The following MDGA2 variants were observed in gnomAD, a reference collection of about 807,000 sequenced individuals.
MDGA2 encodes MAM domain containing glycosylphosphatidylinositol anchor 2.
In MDGA2, 40 loss-of-function variants were observed where a neutral mutation model predicts 117.8. That is an observed-to-expected ratio of 0.34 (90% CI 0.26 to 0.44). The LOEUF (loss-of-function observed/expected upper bound fraction) is 0.44, where lower values mean the gene tolerates loss of function less well. MDGA2 is among the 20% of genes least tolerant of loss of function. The pLI, the probability that MDGA2 is intolerant of heterozygous loss-of-function variation, is 1.00. For missense variants in MDGA2, 1,123 were observed against 1,250.6 expected, an observed-to-expected ratio of 0.90 and a Z score of 1.54; for synonymous variants, 452 against 439.0, an observed-to-expected ratio of 1.03 and a Z score of -0.37.
At position 47,496,997 on chromosome 14, in the gene MDGA2, G is replaced by C. The variant is rs529524945; in HGVS notation, c.280+177520C>G. ...TCTCATGCACGTGCAGTTTAGAATA[G>C]GGTTTGTGCTGATCTGACAGCAGGT... On this transcript the variant is annotated intron_variant, in intron 1 of 16. Coordinates refer to ENST00000399232, the MANE Select transcript of MDGA2 (RefSeq NM_001113498.3). Among the ~76,000 whole-genome samples, 16 of 151,984 alleles carry C rather than the reference G, an allele frequency of 1.1e-4. 1 individual carries two copies. Among genetic ancestry groups the C allele is most frequent in the Middle Eastern group, 3.5e-3 (1 of 286 alleles).
At chr14:47,319,573 A>G (rs559063846) in intron 1 of MDGA2, among the ~76,000 whole-genome samples, 1 of 152,230 alleles carries the variant, frequency 6.6e-6, no homozygotes, top group South Asian at 2.1e-4. Context: ...GCTCATCTCC[A>G]TATTTTCTAT....
chr14:47,117,986 A>T (rs1319829492), intron 5 of MDGA2, among the ~76,000 whole-genome samples: 1 of 152,220 alleles, frequency 6.6e-6, no homozygotes, highest in Non-Finnish European at 1.5e-5. Flanking sequence ...TTTAGTTCCA[A>T]GTTTTGCATG....
chr14:46,971,892 C>A (rs981783865), intron 8 of MDGA2, among the ~76,000 whole-genome samples: 1 of 152,092 alleles, frequency 6.6e-6, no homozygotes, highest in Admixed American at 6.6e-5. Context: ...GTTATCAGTA[C>A]AATTGTTTTA....
rs145107337 is a variant in MDGA2 at position 47,251,762 on chromosome 14, G to A, written c.421-33567C>T. Among the ~76,000 whole-genome samples, 341 of 152,130 alleles carry A rather than the reference G, an allele frequency of 2.2e-3. 2 individuals are homozygous for A. The highest frequency in any genetic ancestry group is 7.7e-3 in the African/African-American group (319 of 41,506). On this transcript the variant is annotated intron_variant, in intron 2 of 16. Transcript: ENST00000399232. ...ACAATCTCACTCAAGACAAAAGAACGTTTCTTTAAAATCTTCAGATTAAAA... is the reference window on the plus strand; with the variant it reads ...ACAATCTCACTCAAGACAAAAGAACATTTCTTTAAAATCTTCAGATTAAAA...
chr14:47,659,112 T>G (rs1486251548), intron 1 of MDGA2, among the ~76,000 whole-genome samples: 3 of 152,206 alleles, frequency 2.0e-5, no homozygotes, highest in Non-Finnish European at 4.4e-5. Context: ...CCTCATGACA[T>G]GAAATCCTAT....
chr14:47,578,159 A>G (rs1438398595), intron 1 of MDGA2, among the ~76,000 whole-genome samples: 1 of 152,190 alleles, frequency 6.6e-6, no homozygotes, highest in Non-Finnish European at 1.5e-5. Context: ...TCCACAAACT[A>G]ACACAGAAAC....
intron 2 of MDGA2, among the ~76,000 whole-genome samples, chr14:47,261,567 T>A (rs975056560): frequency 1.3e-5 from 2 of 152,178 alleles, no homozygotes; most frequent in African/African-American, 4.8e-5. Flanking sequence ...AGACTAGAAC[T>A]GAAATAGCCT....
chr14:47,634,203 G>A (rs1012103813), intron 1 of MDGA2, among the ~76,000 whole-genome samples: 11 of 152,024 alleles, frequency 7.2e-5, no homozygotes, highest in Non-Finnish European at 1.6e-4. Context: ...AAATAGAGGG[G>A]AAAAACTAAA....
At chr14:46,985,436 A>G (rs766748427) in intron 8 of MDGA2, among the ~76,000 whole-genome samples, 1 of 152,048 alleles carries the variant, frequency 6.6e-6, no homozygotes, top group Non-Finnish European at 1.5e-5. Context: ...GTAATCATAC[A>G]TGTAAGTTTT....
At chr14:47,355,580 G>A (rs1890976225) in intron 1 of MDGA2, among the ~76,000 whole-genome samples, 2 of 151,938 alleles carry the variant, frequency 1.3e-5, no homozygotes, top group Admixed American at 6.6e-5. Context: ...CTCTCTAGGT[G>A]GGACCACCCA....
At chr14:47,086,276 T>G (rs1266817035) in intron 6 of MDGA2, among the ~76,000 whole-genome samples, 2 of 152,030 alleles carry the variant, frequency 1.3e-5, no homozygotes, top group Non-Finnish European at 2.9e-5. Flanking sequence ...GAAGAGAAGA[T>G]TCTTTGAAAA....
intron 3 of MDGA2, among the ~76,000 whole-genome samples, chr14:47,191,416 T>A (rs1403596690): frequency 1.7e-5 from 2 of 117,618 alleles, no homozygotes; most frequent in Admixed American, 1.5e-4. Flanking sequence ...TCATATATAT[T>A]TACATATATA....
chr14:47,621,085 G>T (rs932115940), intron 1 of MDGA2, among the ~76,000 whole-genome samples: 1 of 152,120 alleles, frequency 6.6e-6, no homozygotes, highest in Non-Finnish European at 1.5e-5. Flanking sequence ...CCAAATTAAT[G>T]ATCTTTATGC....
intron 1 of MDGA2, among the ~76,000 whole-genome samples, chr14:47,527,763 G>A (rs1167511176): frequency 6.6e-6 from 1 of 152,206 alleles, no homozygotes; most frequent in Non-Finnish European, 1.5e-5. Flanking sequence ...ACTATTTTGA[G>A]CACAGCAGTG....
At chr14:47,065,601 T>G (rs1890051935) in intron 6 of MDGA2, among the ~76,000 whole-genome samples, 1 of 152,194 alleles carries the variant, frequency 6.6e-6, no homozygotes. Flanking sequence ...GATTTAAAAT[T>G]ATAACGTACA....
intron 3 of MDGA2, among the ~76,000 whole-genome samples, chr14:47,165,554 C>T (rs1013752129): frequency 6.6e-6 from 1 of 152,080 alleles, no homozygotes; most frequent in Non-Finnish European, 1.5e-5. Context: ...AAAGGTACCC[C>T]ATCCTTTGTA....
chr14:47,614,073 G>A (rs1382934146), intron 1 of MDGA2, among the ~76,000 whole-genome samples: 1 of 148,286 alleles, frequency 6.7e-6, no homozygotes, highest in African/African-American at 2.5e-5. Context: ...CCCAGAGATT[G>A]GTTATTCTTG....
chr14:47,566,684 C>G (rs1895925542), intron 1 of MDGA2, among the ~76,000 whole-genome samples: 2 of 152,106 alleles, frequency 1.3e-5, no homozygotes, highest in South Asian at 4.1e-4. Flanking sequence ...TTAACACACT[C>G]ATTCCCCAGG....
At chr14:47,197,734 C>T (rs1056177766) in intron 3 of MDGA2, among the ~76,000 whole-genome samples, 1 of 152,076 alleles carries the variant, frequency 6.6e-6, no homozygotes, top group Non-Finnish European at 1.5e-5. Flanking sequence ...CATGGTGAAA[C>T]CCCGTCTCTA....
Sources: allele counts gnomAD v4.1 joint callset (sites outside exome capture counted in the v4.1 genomes callset), GRCh38; gene constraint gnomAD v4.1.1; transcripts MANE v1.5; gene names NCBI Gene and HGNC (gene_info 2026-07-23, HGNC 2026-07-21).